NRXN3: variants seen among roughly 807,000 people sequenced by gnomAD.
NRXN3 encodes the protein neurexin 3, also known as neurexin III.
NRXN3 carries 32 observed loss-of-function variants against 137.6 expected under a neutral mutation model. The observed-to-expected ratio is 0.23, with a 90% CI of 0.18 to 0.31. The LOEUF (loss-of-function observed/expected upper bound fraction) is 0.31. NRXN3 is among the 10% of genes least tolerant of loss of function. The pLI is 1.00. For synonymous variants in NRXN3, 798 were observed against 784.5 expected, an observed-to-expected ratio of 1.02 and a Z score of -0.29; for missense variants, 1,574 against 2,062.5, an observed-to-expected ratio of 0.76 and a Z score of 4.59.
chr14:78,399,714 A>T (rs1273000535), intron 4 of NRXN3, among the ~76,000 whole-genome samples: 1 of 152,210 alleles, frequency 6.6e-6, no homozygotes, highest in South Asian at 2.1e-4. Flanking sequence ...TTTTGACAGT[A>T]ATTTTTATTT....
intron 3 of NRXN3, among the ~76,000 whole-genome samples, chr14:78,290,714 C>T (rs898411502): frequency 3.9e-5 from 6 of 152,154 alleles, no homozygotes; most frequent in African/African-American, 9.7e-5. Flanking sequence ...CTCAATCCCA[C>T]GCTGTCTCCT....
At chr14:79,739,226 T>C (rs951891617) in intron 19 of NRXN3, among the ~76,000 whole-genome samples, 1 of 152,138 alleles carries the variant, frequency 6.6e-6, no homozygotes, top group Non-Finnish European at 1.5e-5. Flanking sequence ...TCCAAAGTCA[T>C]AGCCTGGAGC....
rs1555514722 is a variant in NRXN3, at chr14:79,545,676, T to TG, written c.3444+78274_3444+78275insG. Among the ~76,000 whole-genome samples, 113 of 151,972 alleles carry TG rather than the reference T, an allele frequency of 7.4e-4. No individual in the cohort carries two copies. In the Middle Eastern group the frequency reaches 0.017, roughly 23 times the overall value. Reference sequence around the variant, plus strand: ...TGTATTCGGAGGGCTTGTTTTTTTTTTTGTTGTTGTTGTTTTTTCACCAGG... The same window carrying TG: ...TGTATTCGGAGGGCTTGTTTTTTTTTGTTGTTGTTGTTGTTTTTTCACCAGG... On this transcript the variant is annotated intron_variant, in intron 16 of 20. Transcript: ENST00000335750.
At chr14:78,214,722 A>G (rs544363862) in intron 1 of NRXN3, among the ~76,000 whole-genome samples, 3 of 152,224 alleles carry the variant, frequency 2.0e-5, no homozygotes, top group Non-Finnish European at 4.4e-5. Context: ...TTGTTTGCCC[A>G]GCCTCCTTGT....
chr14:79,802,949 G>A (rs772937070), intron 19 of NRXN3, among the ~76,000 whole-genome samples: 29 of 152,004 alleles, frequency 1.9e-4, no homozygotes, highest in Non-Finnish European at 3.8e-4. Flanking sequence ...TTAATACCTA[G>A]GTGATGGGCT....
chr14:78,714,015 T>C (rs1595073930), intron 7 of NRXN3, among the ~76,000 whole-genome samples: 1 of 152,206 alleles, frequency 6.6e-6, no homozygotes, highest in African/African-American at 2.4e-5. Context: ...CCTATCAAGT[T>C]CATCTCAGTG....
chr14:78,631,293 A>C (rs1240606105), intron 4 of NRXN3, among the ~76,000 whole-genome samples: 2 of 152,202 alleles, frequency 1.3e-5, no homozygotes, highest in Non-Finnish European at 2.9e-5. Flanking sequence ...GTTTTTGTGT[A>C]TTCTAACCAA....
chr14:78,983,506 G>T (rs2099494844), intron 14 of NRXN3, among the ~76,000 whole-genome samples: 1 of 152,072 alleles, frequency 6.6e-6, no homozygotes, highest in South Asian at 2.1e-4. Context: ...TGAGTTGTTT[G>T]AGTTTCTTAC....
At chr14:79,134,755 A>T (rs2058043372) in intron 15 of NRXN3, among the ~76,000 whole-genome samples, 1 of 152,142 alleles carries the variant, frequency 6.6e-6, no homozygotes, top group Admixed American at 6.5e-5. Context: ...AATTCAGCTG[A>T]GTTTCAAGAG....
At chr14:79,394,930 A>G (rs914659550) in intron 15 of NRXN3, among the ~76,000 whole-genome samples, 4 of 152,180 alleles carry the variant, frequency 2.6e-5, no homozygotes, top group Non-Finnish European at 5.9e-5. Context: ...CTGTCTAGCT[A>G]AAGAGCCCGC....
At chr14:78,681,499 A>G (rs577680653) in intron 6 of NRXN3, among the ~76,000 whole-genome samples, 3 of 152,324 alleles carry the variant, frequency 2.0e-5, no homozygotes, top group East Asian at 1.9e-4. Context: ...ACTTCAGATC[A>G]GTGGTTTGTA....
intron 15 of NRXN3, among the ~76,000 whole-genome samples, chr14:79,374,071 G>T (rs1036215146): frequency 6.6e-6 from 1 of 152,066 alleles, no homozygotes; most frequent in African/African-American, 2.4e-5. Context: ...ACTAAATAAG[G>T]TGTCAAATAA....
At chr14:79,482,920 C>G (rs2096622469) in intron 16 of NRXN3, among the ~76,000 whole-genome samples, 1 of 152,148 alleles carries the variant, frequency 6.6e-6, no homozygotes, top group Non-Finnish European at 1.5e-5. Flanking sequence ...CTTTACTTAA[C>G]TGAATGCTAG....
At chr14:79,027,125 G>A (rs1374101590) in intron 15 of NRXN3, among the ~76,000 whole-genome samples, 8 of 147,754 alleles carry the variant, frequency 5.4e-5, no homozygotes, top group Admixed American at 2.0e-4. Context: ...GCCTATATCT[G>A]TAGATATTTT....
chr14:79,560,679 C>G (rs904330141), intron 16 of NRXN3, among the ~76,000 whole-genome samples: 5 of 151,486 alleles, frequency 3.3e-5, no homozygotes, highest in African/African-American at 9.7e-5. Context: ...CCTGGGATTA[C>G]AAGCATGTGC....
At chr14:78,767,385 C>A (rs1022761497) in intron 8 of NRXN3, among the ~76,000 whole-genome samples, 2 of 152,164 alleles carry the variant, frequency 1.3e-5, no homozygotes, top group Non-Finnish European at 1.5e-5. Context: ...ATCACCTTTG[C>A]CCCATTGTAT....
At chr14:78,633,680 A>G (rs2097542601) in intron 4 of NRXN3, among the ~76,000 whole-genome samples, 1 of 152,228 alleles carries the variant, frequency 6.6e-6, no homozygotes, top group South Asian at 2.1e-4. Context: ...CCAGGTTTCT[A>G]GGATTTGCAC....
intron 15 of NRXN3, among the ~76,000 whole-genome samples, chr14:79,226,685 C>T (rs1022946916): frequency 6.6e-6 from 1 of 152,134 alleles, no homozygotes; most frequent in African/African-American, 2.4e-5. Flanking sequence ...ACAGGCATTG[C>T]CTCCCATTTT....
chr14:78,523,843 A>AAAAAAAAAC (rs1304578543), intron 4 of NRXN3, among the ~76,000 whole-genome samples: 1 of 147,308 alleles, frequency 6.8e-6, no homozygotes, highest in Non-Finnish European at 1.5e-5. Flanking sequence ...AAAAAAAAAA[A>AAAAAAAAAC]AAGAATACAA....
Sources: gnomAD v4.1 joint callset for allele counts (sites outside exome capture counted in the v4.1 genomes callset) on GRCh38, gnomAD v4.1.1 for gene constraint, MANE v1.5 for transcripts, NCBI Gene and HGNC (gene_info 2026-07-23, HGNC 2026-07-21) for gene names.